GC: variants seen among roughly 807,000 people sequenced by gnomAD.
GC encodes the protein GC vitamin D binding protein.
GC carries 43 observed loss-of-function variants against 56.7 expected under a neutral mutation model. The ratio of observed to expected loss-of-function variants is 0.76; its 90% CI spans 0.59 to 0.98. GC has a LOEUF of 0.98. GC is among the 50% of genes least tolerant of loss of function. The pLI is 0.00. For missense variants in GC, 529 were observed against 545.9 expected, an observed-to-expected ratio of 0.97 and a Z score of 0.31; for synonymous variants, 216 against 202.7, an observed-to-expected ratio of 1.07 and a Z score of -0.56.
At chr4:71,771,917 T>C (rs1266108073) in intron 1 of GC, among the ~76,000 whole-genome samples, 1 of 152,146 alleles carries the variant, frequency 6.6e-6, no homozygotes, top group Non-Finnish European at 1.5e-5. Flanking sequence ...TTGTTTTTAG[T>C]TTGCTCCTAA....
chr4:71,761,734 T>G (rs763781791), intron 6 of GC, among the ~76,000 whole-genome samples: 3 of 152,134 alleles, frequency 2.0e-5, no homozygotes, highest in Non-Finnish European at 4.4e-5. Flanking sequence ...AAGGGGCCAA[T>G]GTAGAGCTTG....
chr4:71,781,010 A>G (rs1304478569), intron 1 of GC, among the ~76,000 whole-genome samples: 3 of 152,106 alleles, frequency 2.0e-5, no homozygotes, highest in African/African-American at 4.8e-5. Context: ...GATAGACCGG[A>G]TTTAAAAAAT....
intron 5 of GC, 46 bp downstream of exon 5, chr4:71,763,758 T>G: frequency 6.6e-7 from 1 of 1,506,186 alleles, no homozygotes; most frequent in South Asian, 1.2e-5. Flanking sequence ...AGGAATGCTA[T>G]TAGAAGAAAA....
intron 1 of GC, among the ~76,000 whole-genome samples, chr4:71,799,429 C>T (rs1743195330): frequency 6.6e-6 from 1 of 152,128 alleles, no homozygotes. Context: ...GTGAGTGTGG[C>T]TCACCAGTGC....
At chr4:71,794,141 G>A (rs565232063) in intron 1 of GC, among the ~76,000 whole-genome samples, 1 of 152,120 alleles carries the variant, frequency 6.6e-6, no homozygotes, top group East Asian at 1.9e-4. Flanking sequence ...TCTCTGCCAG[G>A]CTTTGGTATC....
At chr4:71,795,271 C>G (rs1051023832) in intron 1 of GC, among the ~76,000 whole-genome samples, 1 of 152,112 alleles carries the variant, frequency 6.6e-6, no homozygotes, top group Non-Finnish European at 1.5e-5. Flanking sequence ...TAAAGTCTCC[C>G]ATTATTATTG....
chr4:71,787,150 T>C (rs1446256283), upstream of GC, among the ~76,000 whole-genome samples: 1 of 151,922 alleles, frequency 6.6e-6, no homozygotes, highest in African/African-American at 2.4e-5. Flanking sequence ...CTTTAAATCA[T>C]TCTCCCCTCT....
rs202008117 is a variant in GC, at chr4:71,753,484, C to CAA, written c.1263-836_1263-835dup. On this transcript the variant is annotated intron_variant, in intron 10 of 12. Transcript: ENST00000273951. The stretch of plus-strand genomic sequence containing the variant: ...GAGGCAAGAAGAGACTCAAAGGAGG[C>CAA]AAAAAAAAAAAAAGAAAGTTGGGGG... Among the ~76,000 whole-genome samples, 552 of 94,080 alleles carry CAA rather than the reference C, an allele frequency of 5.9e-3. 3 individuals are homozygous for CAA. Among genetic ancestry groups the CAA allele is most frequent in the East Asian group, 0.016 (61 of 3,840 alleles). 61.7% of individuals were successfully genotyped at this position (94,080 alleles called of 152,430 possible).
At chr4:71,777,219 T>C (rs1212594756) in intron 1 of GC, among the ~76,000 whole-genome samples, 1 of 151,814 alleles carries the variant, frequency 6.6e-6, no homozygotes, top group African/African-American at 2.4e-5. Flanking sequence ...TAAATCCCAG[T>C]AAGAAACTGA....
intron 1 of GC, among the ~76,000 whole-genome samples, chr4:71,798,000 A>G (rs543073655): frequency 3.3e-4 from 51 of 152,298 alleles, no homozygotes; most frequent in African/African-American, 1.2e-3. Flanking sequence ...ACCACTTGAT[A>G]TTATCCCATG....
intron 1 of GC, among the ~76,000 whole-genome samples, chr4:71,800,366 A>G (rs1578327959): frequency 6.6e-6 from 1 of 152,118 alleles, no homozygotes; most frequent in East Asian, 1.9e-4. Flanking sequence ...TTTGCTGAGG[A>G]TGATGGCTTC....
chr4:71,747,511 G>A (rs2149292970), intron 11 of GC, among the ~76,000 whole-genome samples: 1 of 152,250 alleles, frequency 6.6e-6, no homozygotes, highest in Non-Finnish European at 1.5e-5. Context: ...TTTCAAGAAG[G>A]AAGGTATACT....
chr4:71,775,729 G>C (rs988715676), intron 1 of GC, among the ~76,000 whole-genome samples: 2 of 151,832 alleles, frequency 1.3e-5, no homozygotes, highest in Non-Finnish European at 2.9e-5. Flanking sequence ...CCACAGACTG[G>C]GAGAAAATAT....
chr4:71,779,898 C>T (rs1742620306), intron 1 of GC, among the ~76,000 whole-genome samples: 1 of 151,736 alleles, frequency 6.6e-6, no homozygotes, highest in Admixed American at 6.6e-5. Flanking sequence ...AGCTCACCCA[C>T]CAACCCAAAG....
chr4:71,792,812 T>C (rs1743004656), intron 1 of GC, among the ~76,000 whole-genome samples: 1 of 152,242 alleles, frequency 6.6e-6, no homozygotes, highest in Non-Finnish European at 1.5e-5. Flanking sequence ...TGTAAGCCTT[T>C]AATCCATCTT....
intron 11 of GC, among the ~76,000 whole-genome samples, chr4:71,751,545 C>T (rs988179943): frequency 2.6e-5 from 4 of 151,640 alleles, no homozygotes; most frequent in Non-Finnish European, 5.9e-5. Flanking sequence ...AATGATCTGG[C>T]AATTATGCAA....
intron 1 of GC, among the ~76,000 whole-genome samples, chr4:71,798,187 G>C (rs919067365): frequency 3.3e-5 from 5 of 152,116 alleles, no homozygotes; most frequent in Non-Finnish European, 4.4e-5. Context: ...TTTTGCTGCT[G>C]ATGTTCCCTA....
chr4:71,751,421 C>G (rs3775154), intron 11 of GC, among the ~76,000 whole-genome samples: 7,269 of 152,152 alleles, frequency 0.048, 425 homozygotes, highest in East Asian at 0.19. Flanking sequence ...TAGGAGAAAA[C>G]CAATAGGCCT....
intron 12 of GC, among the ~76,000 whole-genome samples, chr4:71,745,319 T>C (rs534982550): frequency 2.9e-4 from 44 of 152,328 alleles, no homozygotes; most frequent in Non-Finnish European, 5.0e-4. Context: ...ACTGTTAATT[T>C]TCTTTTTTAC....
Sources: gnomAD v4.1 joint callset for allele counts (sites outside exome capture counted in the v4.1 genomes callset) on GRCh38, gnomAD v4.1.1 for gene constraint, MANE v1.5 for transcripts, NCBI Gene and HGNC (gene_info 2026-07-23, HGNC 2026-07-21) for gene names.